The following RPRD1A variants were observed in gnomAD, a reference collection of about 807,000 sequenced individuals.
The protein encoded by RPRD1A is regulation of nuclear pre-mRNA domain-containing protein 1A.
Under a neutral mutation model 37.8 loss-of-function variants are expected in RPRD1A, and 9 were observed. That is an observed-to-expected ratio of 0.24 (90% confidence interval 0.14 to 0.42). The LOEUF (loss-of-function observed/expected upper bound fraction) is 0.42. Among genes scored for constraint, RPRD1A ranks in the 10% least tolerant of loss-of-function variants. The probability of loss-of-function intolerance (pLI) is 1.00; values close to 1 mark genes in which losing one functional copy is unlikely to be tolerated. For missense variants in RPRD1A, 255 were observed against 371.0 expected, an observed-to-expected ratio of 0.69 and a Z score of 2.57; for synonymous variants, 138 against 139.7, an observed-to-expected ratio of 0.99 and a Z score of 0.08.
chr18:36,049,357 T>C (rs549678527), intron 1 of RPRD1A, among the ~76,000 whole-genome samples: 3 of 152,332 alleles, frequency 2.0e-5, no homozygotes, highest in Admixed American at 6.5e-5. Flanking sequence ...AAAAATACAG[T>C]TGACTTCTGA....
At position 36,027,267 on chromosome 18, in the gene RPRD1A, G is replaced by A; in HGVS notation, c.530C>T (p.Ala177Val). Residue 177 changes from alanine to valine, a missense_variant, in exon 5 of 7, where the codon GCC becomes GTC. Transcript: ENST00000399022. ...VRALQDLENA[A>V]SGDAAVHQRI... ...CTGATGAACTGCTGCATCACCTGAG[G>A]CTGCATTTTCCAGATCTTGTAATGC... The A allele has an allele frequency of 6.2e-7, 1 of 1,613,730 alleles. No homozygotes were observed. The highest frequency in any genetic ancestry group is 8.5e-7 in the Non-Finnish European group (1 of 1,179,718).
chr18:36,019,512 A>G (rs138484663), intron 6 of RPRD1A, among the ~76,000 whole-genome samples: 1 of 152,306 alleles, frequency 6.6e-6, no homozygotes, highest in Non-Finnish European at 1.5e-5. Context: ...AGATCATCTT[A>G]TAAGCCAGGT....
chr18:36,056,677 G>C (rs573664309), intron 1 of RPRD1A, among the ~76,000 whole-genome samples: 1 of 151,822 alleles, frequency 6.6e-6, no homozygotes, highest in East Asian at 1.9e-4. Context: ...AGCATTCAAC[G>C]TAAGTATGGT....
chr18:36,012,750 G>T (rs1910257883), intron 6 of RPRD1A, among the ~76,000 whole-genome samples: 1 of 152,232 alleles, frequency 6.6e-6, no homozygotes, highest in South Asian at 2.1e-4. Context: ...AACATGCCCT[G>T]AGGATAAGCA....
rs539278436 is a variant in RPRD1A, at chr18:36,025,441, G to A, written c.789+1459C>T. On this transcript the variant is annotated intron_variant, in intron 6 of 6. Coordinates refer to ENST00000399022, the MANE Select transcript of RPRD1A (RefSeq NM_018170.5). ...CACTGGGGGAAAAGGGGGTTGTGGG[G>A]AGTGGCATCTGATCTATTTTCTACA... 4 of 337,698 alleles carry A rather than the reference G, an allele frequency of 1.2e-5. No homozygotes were observed. In the Admixed American group the frequency reaches 1.8e-4, roughly 15 times the overall value. The allele number at this position is 337,698 out of a possible 1,614,324, so 20.9% of individuals were successfully genotyped here.
chr18:36,027,361 C>T, intron 4 of RPRD1A, 51 bp from the exon 5 acceptor site: 1 of 1,591,514 alleles, frequency 6.3e-7, no homozygotes, highest in South Asian at 1.1e-5. Context: ...TAAACAAGTG[C>T]AAAAGACTTT....
At chr18:36,058,171 TAGCTGGGACTACA>T (rs1913924835) in intron 1 of RPRD1A, among the ~76,000 whole-genome samples, 1 of 152,114 alleles carries the variant, frequency 6.6e-6, no homozygotes, top group African/African-American at 2.4e-5. Context: ...GCCTCCTGGG[TAGCTGGGACTACA>T]GTCATGCACC....
intron 1 of RPRD1A, among the ~76,000 whole-genome samples, chr18:36,055,422 C>T (rs888902145): frequency 2.0e-5 from 3 of 152,040 alleles, no homozygotes; most frequent in Non-Finnish European, 4.4e-5. Flanking sequence ...TTAGCCTGTA[C>T]GAGAATCAAG....
intron 1 of RPRD1A, among the ~76,000 whole-genome samples, chr18:36,063,583 T>G (rs1271566250): frequency 1.3e-5 from 2 of 152,264 alleles, no homozygotes; most frequent in Non-Finnish European, 2.9e-5. Context: ...TTTCTTTAGT[T>G]TGTTGTAATA....
At chr18:36,011,595 T>A (rs1389620260) in intron 6 of RPRD1A, among the ~76,000 whole-genome samples, 1 of 152,032 alleles carries the variant, frequency 6.6e-6, no homozygotes, top group Admixed American at 6.6e-5. Flanking sequence ...ATACATATAT[T>A]TTAAAAACTA....
At chr18:36,043,548 G>C (rs887320926) in intron 1 of RPRD1A, among the ~76,000 whole-genome samples, 3 of 152,072 alleles carry the variant, frequency 2.0e-5, no homozygotes, top group African/African-American at 7.2e-5. Flanking sequence ...TAAAAGTCCT[G>C]AGAAGAATAA....
At chr18:36,047,865 G>A (rs1302531088) in intron 1 of RPRD1A, among the ~76,000 whole-genome samples, 1 of 152,152 alleles carries the variant, frequency 6.6e-6, no homozygotes, top group East Asian at 1.9e-4. Flanking sequence ...TCCAGGTCCA[G>A]ATGGTTTCCA....
At position 36,028,977 on chromosome 18, in the gene RPRD1A, A is replaced by G. The variant is rs373578856; in HGVS notation, c.487-1667T>C. ...CAGATCCTTTATCTAGAACTTAGGT[A>G]AAACACTGTTCATAGAATCATGAGG... On this transcript the variant is annotated intron_variant, in intron 4 of 6. Transcript: ENST00000399022. 1.5e-4 allele frequency among the ~76,000 whole-genome samples: 23 copies of G among 152,360 alleles called. 1 individual carries two copies. The East Asian group carries it at 3.9e-3, about 26-fold the overall frequency.
chr18:36,031,106 AAAAAAAAAG>A lies in RPRD1A; in HGVS notation c.282-18_282-10del. On this transcript the variant is annotated splice_polypyrimidine_tract_variant and intron_variant, in intron 2 of 6. Transcript: ENST00000399022. ...AACTTTCATCAGTTTCACTAAAAAA[AAAAAAAAAG>A]AAAAAAAGAAAAATGTTAACAGTAA... 1 of 1,540,266 alleles carries A rather than the reference AAAAAAAAAG, an allele frequency of 6.5e-7. No homozygotes were observed. The highest frequency in any genetic ancestry group is 2.3e-5 in the Admixed American group (1 of 42,968).
rs796252989 is a variant in RPRD1A, at chr18:35,990,091, A to G, written c.*3060T>C. On this transcript the variant is annotated 3_prime_UTR_variant, in exon 7 of 7. Coordinates refer to ENST00000399022, the MANE Select transcript of RPRD1A (RefSeq NM_018170.5). ...GTTTTGATATAGTGCAACAACTATG[A>G]AACAAGACTACATCCTTAGGAGCTA... The G allele has an allele frequency of 2.6e-4, 39 of 152,384 alleles. No individual in the cohort carries two copies. Among genetic ancestry groups the G allele is most frequent in the African/African-American group, 9.1e-4 (38 of 41,602 alleles). The allele number at this position is 152,384 out of a possible 1,614,324, so 9.4% of individuals were successfully genotyped here.
chr18:36,026,835 T>A (rs772926055), intron 6 of RPRD1A, 65 bp downstream of exon 6: 1 of 1,465,456 alleles, frequency 6.8e-7, no homozygotes, highest in South Asian at 1.3e-5. Context: ...GATTAAAATA[T>A]TTTAAAATTC....
chr18:36,017,582 C>T (rs1332764349), intron 6 of RPRD1A, among the ~76,000 whole-genome samples: 1 of 152,210 alleles, frequency 6.6e-6, no homozygotes, highest in Non-Finnish European at 1.5e-5. Flanking sequence ...AGAACTGATA[C>T]AGTAACAACA....
At chr18:35,996,265 CTT>C (rs796773570) in intron 6 of RPRD1A, among the ~76,000 whole-genome samples, 1 of 147,340 alleles carries the variant, frequency 6.8e-6, no homozygotes, top group Non-Finnish European at 1.5e-5. Flanking sequence ...AAAATTAAAA[CTT>C]TTTTTTTTTA....
chr18:36,041,253 T>TA lies in RPRD1A; in HGVS notation c.152-7417dup, dbSNP rs1912561277. On this transcript the variant is annotated intron_variant, in intron 1 of 6. Coordinates refer to ENST00000399022, the MANE Select transcript of RPRD1A (RefSeq NM_018170.5). ...CGTATCTCTCCTGAAACCAAGGAGT[T>TA]AATTATGTAGCACTTCCTCTTAAGT... 2.0e-5 allele frequency among the ~76,000 whole-genome samples: 3 copies of TA among 152,182 alleles called. No homozygotes were observed. The South Asian group carries it at 6.2e-4, about 32-fold the overall frequency.
Sources: gnomAD v4.1 joint callset for allele counts (sites outside exome capture counted in the v4.1 genomes callset) on GRCh38, gnomAD v4.1.1 for gene constraint, MANE v1.5 for transcripts, NCBI Gene and HGNC (gene_info 2026-07-23, HGNC 2026-07-21) for gene names.